The following KCNIP1 variants were observed in gnomAD, a reference collection of about 807,000 sequenced individuals.
The protein encoded by KCNIP1 is A-type potassium channel modulatory protein KCNIP1.
A neutral mutation model predicts 33.0 loss-of-function variants in KCNIP1; 18 were observed. The ratio of observed to expected loss-of-function variants is 0.55; its 90% CI spans 0.38 to 0.81. The LOEUF (loss-of-function observed/expected upper bound fraction) is 0.81. Ranked by LOEUF, KCNIP1 falls within the 30% of genes least tolerant of loss-of-function variation. The probability of loss-of-function intolerance (pLI) is 0.00; values close to 1 mark genes in which losing one functional copy is unlikely to be tolerated. For missense variants in KCNIP1, 238 were observed against 271.6 expected (o/e 0.88, Z 0.87); for synonymous variants, 93 against 98.3 (o/e 0.95, Z 0.32).
At chr5:170,727,334 G>A (rs144420796) in intron 5 of KCNIP1, among the ~76,000 whole-genome samples, 1 of 152,350 alleles carries the variant, frequency 6.6e-6, no homozygotes. Flanking sequence ...GAAGTGTGAA[G>A]GGATGTCTTT....
intron 1 of KCNIP1, among the ~76,000 whole-genome samples, chr5:170,479,434 A>G (rs1248167551): frequency 6.6e-6 from 1 of 152,212 alleles, no homozygotes; most frequent in Non-Finnish European, 1.5e-5. Flanking sequence ...CACTCTTCTT[A>G]CAAGGATAGA....
chr5:170,383,641 G>T, intron 1 of KCNIP1: 1 of 1,608,696 alleles, frequency 6.2e-7, no homozygotes, highest in Middle Eastern at 1.7e-4. Context: ...CACCTGACAG[G>T]GATAAAGGGA....
At chr5:170,666,112 C>T (rs542955739) in intron 1 of KCNIP1, among the ~76,000 whole-genome samples, 32 of 152,284 alleles carry the variant, frequency 2.1e-4, no homozygotes, top group African/African-American at 5.1e-4. Flanking sequence ...CCTCCTTGAG[C>T]GTGGGCCATC....
chr5:170,566,647 G>A (rs1395893726), intron 1 of KCNIP1, among the ~76,000 whole-genome samples: 1 of 152,146 alleles, frequency 6.6e-6, no homozygotes, highest in Non-Finnish European at 1.5e-5. Context: ...AACAGCATTG[G>A]TTTCTGTCTT....
intron 1 of KCNIP1, among the ~76,000 whole-genome samples, chr5:170,474,903 G>T (rs976880526): frequency 6.6e-6 from 1 of 152,230 alleles, no homozygotes; most frequent in African/African-American, 2.4e-5. Flanking sequence ...CGTAGAAGGG[G>T]ACCCCACTGG....
Position 170,354,608 on chromosome 5 carries a change from T to C in KCNIP1, c.88+644T>C, listed in dbSNP as rs559141974. ...CTTCTCCAGGAACTGGGGTGGCAGG[T>C]GGTTTGCAGGAGTAACTGTCTGGGC... On this transcript the variant is annotated intron_variant, in intron 1 of 7. Transcript: ENST00000377360. Among the ~76,000 whole-genome samples the C allele has an allele frequency of 3.3e-5, 5 of 152,254 alleles. No individual in the cohort carries two copies. In the East Asian group the frequency reaches 7.7e-4, roughly 24 times the overall value.
At chr5:170,658,073 G>A (rs1581458006) in intron 1 of KCNIP1, among the ~76,000 whole-genome samples, 1 of 152,158 alleles carries the variant, frequency 6.6e-6, no homozygotes, top group East Asian at 1.9e-4. Context: ...TGCAGGCAGA[G>A]GGATCAGTAT....
At chr5:170,722,931 T>C (rs569562507) in intron 5 of KCNIP1, 111 bp downstream of exon 5, 19 of 688,896 alleles carry the variant, frequency 2.8e-5, no homozygotes, top group Non-Finnish European at 4.8e-5. Context: ...CAGGCTCTGC[T>C]TTGGGGCTAA....
chr5:170,382,095 T>C (rs1428745634), intron 1 of KCNIP1, among the ~76,000 whole-genome samples: 2 of 152,186 alleles, frequency 1.3e-5, no homozygotes, highest in Non-Finnish European at 2.9e-5. Flanking sequence ...TCTCCCCTGC[T>C]GCAGGCCACA....
chr5:170,592,450 T>C (rs1250161263), intron 1 of KCNIP1, among the ~76,000 whole-genome samples: 1 of 135,364 alleles, frequency 7.4e-6, no homozygotes, highest in African/African-American at 3.8e-5. Context: ...CAGCTTGTAT[T>C]GAAACATCAG....
intron 1 of KCNIP1, among the ~76,000 whole-genome samples, chr5:170,405,863 T>C (rs139904979): frequency 1.3e-5 from 2 of 152,284 alleles, no homozygotes; most frequent in East Asian, 3.9e-4. Flanking sequence ...ACAGCTGTGT[T>C]ACCAGCCCCT....
At chr5:170,449,484 C>G (rs549412196) in intron 1 of KCNIP1, among the ~76,000 whole-genome samples, 1 of 152,220 alleles carries the variant, frequency 6.6e-6, no homozygotes, top group African/African-American at 2.4e-5. Flanking sequence ...GAAAATCGGG[C>G]AGGTCCTGAA....
intron 5 of KCNIP1, among the ~76,000 whole-genome samples, chr5:170,727,508 AAGTG>A (rs1466129223): frequency 3.9e-5 from 6 of 152,222 alleles, no homozygotes; most frequent in African/African-American, 1.4e-4. Context: ...TGTAAGGGGG[AAGTG>A]CCTAACCAAT....
intron 1 of KCNIP1, among the ~76,000 whole-genome samples, chr5:170,709,063 A>G (rs1206123063): frequency 6.6e-6 from 1 of 152,244 alleles, no homozygotes; most frequent in Non-Finnish European, 1.5e-5. Flanking sequence ...TTTATGGCCC[A>G]GGAAATGGTC....
intron 1 of KCNIP1, chr5:170,639,543 TCTC>T (rs1009475847): frequency 1.3e-5 from 2 of 152,188 alleles, no homozygotes; most frequent in Admixed American, 6.5e-5. Flanking sequence ...AACGCGCTGT[TCTC>T]CTTCATAGAA....
chr5:170,378,510 G>T, intron 1 of KCNIP1: 1 of 664,294 alleles, frequency 1.5e-6, no homozygotes, highest in Non-Finnish European at 2.5e-6. Flanking sequence ...GGGAGCCACT[G>T]TACATTCTTG....
At chr5:170,634,238 G>C (rs1760196431) in intron 1 of KCNIP1, among the ~76,000 whole-genome samples, 1 of 152,208 alleles carries the variant, frequency 6.6e-6, no homozygotes, top group East Asian at 1.9e-4. Flanking sequence ...TGTTAAGTTT[G>C]AGATGGCTGG....
chr5:170,716,690 G>T (rs1763656048), intron 1 of KCNIP1, among the ~76,000 whole-genome samples: 1 of 152,150 alleles, frequency 6.6e-6, no homozygotes, highest in South Asian at 2.1e-4. Flanking sequence ...TTTAATAGTT[G>T]ATATCTCAAT....
chr5:170,437,131 T>C (rs149695531), intron 1 of KCNIP1, among the ~76,000 whole-genome samples: 31 of 152,292 alleles, frequency 2.0e-4, no homozygotes, highest in African/African-American at 7.0e-4. Context: ...TAAGTGGCAT[T>C]TGGAAGGCCT....
Sources: allele counts gnomAD v4.1 joint callset (sites outside exome capture counted in the v4.1 genomes callset), GRCh38; gene constraint gnomAD v4.1.1; transcripts MANE v1.5; gene names NCBI Gene and HGNC (gene_info 2026-07-23, HGNC 2026-07-21).